CFAP221: variants seen among roughly 807,000 people sequenced by gnomAD.
CFAP221 encodes cilia- and flagella-associated protein 221.
Under a neutral mutation model 113.1 loss-of-function variants are expected in CFAP221, and 97 were observed. The ratio of observed to expected loss-of-function variants is 0.86; its 90% CI spans 0.73 to 1.02. The LOEUF (loss-of-function observed/expected upper bound fraction) is 1.02. Among genes scored for constraint, CFAP221 ranks in the 50% least tolerant of loss-of-function variants. The pLI, the probability that CFAP221 is intolerant of heterozygous loss-of-function variation, is 0.00. For missense variants in CFAP221, 1,025 were observed against 1,013.4 expected (o/e 1.01, Z -0.16); for synonymous variants, 331 against 354.4 (o/e 0.93, Z 0.74).
At position 119,563,153 on chromosome 2, in the gene CFAP221, C is replaced by G. The variant is rs538711023; in HGVS notation, c.527+1039C>G. On this transcript the variant is annotated intron_variant, in intron 6 of 23. Coordinates refer to ENST00000413369, the MANE Select transcript of CFAP221 (RefSeq NM_001271049.2). ...TGGGTGACAGAGTGAGATCCTGTCT[C>G]TAAAATATAAAAAATAAAATGGCAT... is the stretch of plus-strand genomic sequence containing the variant. Among the ~76,000 whole-genome samples the G allele has an allele frequency of 3.0e-4, 45 of 152,190 alleles. 2 individuals are homozygous for G. The South Asian group carries it at 8.7e-3, about 29-fold the overall frequency.
rs142794947 is a variant in CFAP221, at chr2:119,587,527, T to C, written c.631+305T>C. On this transcript the variant is annotated intron_variant, in intron 7 of 23. Coordinates refer to ENST00000413369, the MANE Select transcript of CFAP221 (RefSeq NM_001271049.2). ...CCTTATAATTCAATTTCAGATAAAATAGGAATCTTCTTTCTTCCAGAGCTT... is the reference window on the plus strand; with the variant it reads ...CCTTATAATTCAATTTCAGATAAAACAGGAATCTTCTTTCTTCCAGAGCTT... Among the ~76,000 whole-genome samples the C allele has an allele frequency of 5.9e-5, 9 of 152,298 alleles. No individual in the cohort carries two copies. The East Asian group carries it at 1.3e-3, about 23-fold the overall frequency.
chr2:119,557,836 C>G (rs1423543882), intron 3 of CFAP221, among the ~76,000 whole-genome samples: 1 of 151,728 alleles, frequency 6.6e-6, no homozygotes, highest in African/African-American at 2.4e-5. Flanking sequence ...CCATCTGTCT[C>G]TACTAAAAAT....
chr2:119,657,371 G>T (rs138780184), downstream of CFAP221, among the ~76,000 whole-genome samples: 191 of 152,244 alleles, frequency 1.3e-3, no homozygotes, highest in Middle Eastern at 6.8e-3. Flanking sequence ...AAAGACAAGT[G>T]CTCACCTTAC....
intron 21 of CFAP221, 150 bp from the exon 22 acceptor site, chr2:119,646,808 G>T: frequency 1.7e-6 from 1 of 586,402 alleles, no homozygotes; most frequent in Non-Finnish European, 2.8e-6. Context: ...TTTGCCTCTG[G>T]GAACCATAAA....
At chr2:119,569,482 G>GT (rs547194420) in intron 6 of CFAP221, among the ~76,000 whole-genome samples, 322 of 152,064 alleles carry the variant, frequency 2.1e-3, no homozygotes, top group African/African-American at 7.6e-3. Flanking sequence ...TAAGTGTAGG[G>GT]TTTTTTGCCT....
At chr2:119,655,039 G>T (rs189361144) in intron 23 of CFAP221, among the ~76,000 whole-genome samples, 2 of 152,276 alleles carry the variant, frequency 1.3e-5, no homozygotes, top group Admixed American at 1.3e-4. Flanking sequence ...GACACCCAGA[G>T]CCTGGACAGA....
intron 6 of CFAP221, among the ~76,000 whole-genome samples, chr2:119,564,321 G>A (rs1400327111): frequency 6.6e-6 from 1 of 152,166 alleles, no homozygotes; most frequent in Admixed American, 6.5e-5. Flanking sequence ...CCTCCAGAGT[G>A]AGACAGTAAG....
chr2:119,559,824 C>T (rs1325734896), intron 4 of CFAP221, 49 bp downstream of exon 4: 33 of 1,485,284 alleles, frequency 2.2e-5, no homozygotes, highest in Non-Finnish European at 2.8e-5. Flanking sequence ...TTGTCTGCGT[C>T]TCAGGCCTGT....
intron 7 of CFAP221, among the ~76,000 whole-genome samples, chr2:119,598,209 A>T (rs1262661474): frequency 6.6e-6 from 1 of 152,092 alleles, no homozygotes; most frequent in Non-Finnish European, 1.5e-5. Context: ...GAAAGAAGAA[A>T]TTTTTTTTAA....
intron 19 of CFAP221, among the ~76,000 whole-genome samples, chr2:119,636,086 C>G (rs1330640100): frequency 6.6e-6 from 1 of 151,996 alleles, no homozygotes; most frequent in Non-Finnish European, 1.5e-5. Context: ...GAACTCTTCT[C>G]TAACGGTGGC....
intron 19 of CFAP221, among the ~76,000 whole-genome samples, chr2:119,633,160 CA>C (rs1280613778): frequency 6.6e-6 from 1 of 151,602 alleles, no homozygotes; most frequent in African/African-American, 2.4e-5. Flanking sequence ...ATCTATTTAC[CA>C]AAAACAAAAA....
At chr2:119,561,729 A>G (rs1315683573) in intron 5 of CFAP221, among the ~76,000 whole-genome samples, 1 of 151,090 alleles carries the variant, frequency 6.6e-6, no homozygotes, top group African/African-American at 2.5e-5. Context: ...ATTTTCTGAA[A>G]TAGAAGCAGA....
At chr2:119,583,343 A>G (rs537737173) in intron 6 of CFAP221, among the ~76,000 whole-genome samples, 29 of 151,938 alleles carry the variant, frequency 1.9e-4, no homozygotes, top group Non-Finnish European at 4.1e-4. Flanking sequence ...TGCAATGATC[A>G]GAAAAAAATA....
At chr2:119,576,879 T>A (rs183546701) in intron 6 of CFAP221, among the ~76,000 whole-genome samples, 2 of 152,366 alleles carry the variant, frequency 1.3e-5, no homozygotes, top group East Asian at 3.9e-4. Context: ...CTTATTTCCT[T>A]CTGTTTTTGT....
rs202012523 is a variant in CFAP221 at position 119,652,053 on chromosome 2, G to T, written c.2398G>T (p.Asp800Tyr). 1.3e-4 allele frequency: 215 copies of T among 1,611,702 alleles called. No individual in the cohort carries two copies. The highest frequency in any genetic ancestry group is 1.8e-4 in the Non-Finnish European group (211 of 1,178,506). The change falls in exon 23 of 24, where the codon GAC (aspartate) becomes TAC (tyrosine). Residue 800 changes from aspartate (D) to tyrosine (Y), a missense_variant. Coordinates refer to ENST00000413369, the MANE Select transcript of CFAP221 (RefSeq NM_001271049.2). ...GGAATTCCCTATGTTGAACTACAAGGACATCAGGAAGGAGAAGTAAGTGGA... is the reference window on the plus strand; with the variant it reads ...GGAATTCCCTATGTTGAACTACAAGTACATCAGGAAGGAGAAGTAAGTGGA... ...KVEFPMLNYKDIRKEKEVKDQ... is the reference protein window; with the variant it reads ...KVEFPMLNYKYIRKEKEVKDQ...
intron 21 of CFAP221, among the ~76,000 whole-genome samples, chr2:119,645,238 T>C (rs911287552): frequency 6.6e-6 from 1 of 151,792 alleles, no homozygotes; most frequent in Non-Finnish European, 1.5e-5. Context: ...TTTATTTCAC[T>C]TTCTTATTGA....
chr2:119,631,171 T>G lies in CFAP221; in HGVS notation c.1974+270T>G, dbSNP rs374391776. 10 of 867,624 alleles carry G rather than the reference T, an allele frequency of 1.2e-5. No homozygotes were observed. In the East Asian group the frequency reaches 5.0e-4, roughly 43 times the overall value. The allele number at this position is 867,624 out of a possible 1,614,324, so 53.7% of individuals were successfully genotyped here. Reference sequence around the variant, plus strand: ...TGTACATATAGGCCAAAGAAGAAATTGAAAAAGAAATTAGCAAGTATTTTT... The same window carrying G: ...TGTACATATAGGCCAAAGAAGAAATGGAAAAAGAAATTAGCAAGTATTTTT... On this transcript the variant is annotated intron_variant, in intron 19 of 23. Transcript: ENST00000413369.
At chr2:119,554,153 C>A (rs1680618587) in intron 3 of CFAP221, among the ~76,000 whole-genome samples, 1 of 152,104 alleles carries the variant, frequency 6.6e-6, no homozygotes, top group African/African-American at 2.4e-5. Flanking sequence ...GTGGAAAATC[C>A]AACAACTGCT....
intron 13 of CFAP221, 76 bp downstream of exon 13, chr2:119,611,818 T>A: frequency 9.4e-7 from 1 of 1,059,296 alleles, no homozygotes; most frequent in South Asian, 1.4e-5. Context: ...TGCTAAACAA[T>A]TTTATAGAAA....
Sources: gnomAD v4.1 joint callset for allele counts (sites outside exome capture counted in the v4.1 genomes callset) on GRCh38, gnomAD v4.1.1 for gene constraint, MANE v1.5 for transcripts, NCBI Gene and HGNC (gene_info 2026-07-23, HGNC 2026-07-21) for gene names.